Variants in PCNX4 observed in about 807,000 individuals in gnomAD.
The protein encoded by PCNX4 is pecanex-like protein 4.
PCNX4 carries 103 observed loss-of-function variants against 107.2 expected under a neutral mutation model. The ratio of observed to expected loss-of-function variants is 0.96; its 90% CI spans 0.82 to 1.13. The LOEUF is 1.13. Among genes scored for constraint, PCNX4 ranks in the 50% most tolerant of loss-of-function variants. The probability of loss-of-function intolerance (pLI) is 0.00; values close to 1 mark genes in which losing one functional copy is unlikely to be tolerated. For synonymous variants in PCNX4, 541 were observed against 481.7 expected (o/e 1.12, Z -1.61); for missense variants, 1,528 against 1,379.4 (o/e 1.11, Z -1.71).
intron 9 of PCNX4, 47 bp downstream of exon 9, chr14:60,125,298 A>T: frequency 7.0e-7 from 1 of 1,422,808 alleles, no homozygotes; most frequent in Non-Finnish European, 9.3e-7. Context: ...TTGGAAAAAT[A>T]CTGATTTTTC....
At chr14:60,132,541 A>C (rs1896173367) in intron 10 of PCNX4, among the ~76,000 whole-genome samples, 1 of 152,212 alleles carries the variant, frequency 6.6e-6, no homozygotes, top group African/African-American at 2.4e-5. Context: ...TCATGACCTT[A>C]AACTTGGCAA....
intron 6 of PCNX4, among the ~76,000 whole-genome samples, chr14:60,116,553 G>T (rs1438130043): frequency 5.9e-5 from 9 of 152,172 alleles, no homozygotes; most frequent in African/African-American, 2.2e-4. Flanking sequence ...TTGTGGTGAT[G>T]TTGGTGTAAA....
In PCNX4 at chr14:60,124,863, C is replaced by T. The variant is rs1312769135; in HGVS notation, c.2692C>T (p.Pro898Ser). Reference protein sequence around the residue: ...KGKQEDMPYIPLMEFSCSHSH... With the variant: ...KGKQEDMPYISLMEFSCSHSH... ...AAAACAAGAGGACATGCCATATATTCCTCTCATGGAGTTCAGTTGTTCACA... is the reference window on the plus strand; with the variant it reads ...AAAACAAGAGGACATGCCATATATTTCTCTCATGGAGTTCAGTTGTTCACA... The change falls in exon 9 of 11, where the codon CCT becomes TCT. Residue 898 changes from proline (P) to serine (S), a missense_variant. By Grantham distance (74) the Pro-to-Ser change is moderately conservative. Coordinates refer to ENST00000406854, the MANE Select transcript of PCNX4 (RefSeq NM_001330177.2). The T allele has an allele frequency of 6.2e-7, 1 of 1,613,798 alleles. No individual in the cohort carries two copies.
chr14:60,096,881 G>A (rs1164551728), intron 1 of PCNX4, among the ~76,000 whole-genome samples: 3 of 152,156 alleles, frequency 2.0e-5, no homozygotes, highest in South Asian at 2.1e-4. Flanking sequence ...TTGCTGTACT[G>A]TATCCAAATA....
rs751944305 is a variant in PCNX4, at chr14:60,125,262, T to C, written c.3080+11T>C. The C allele has an allele frequency of 1.3e-6, 2 of 1,528,076 alleles. No individual in the cohort carries two copies. The highest frequency in any genetic ancestry group is 1.8e-6 in the Non-Finnish European group (2 of 1,140,966). 94.7% of individuals were successfully genotyped at this position (1,528,076 alleles called of 1,614,324 possible). On this transcript the variant is annotated intron_variant, in intron 9 of 10. Coordinates refer to ENST00000406854, the MANE Select transcript of PCNX4 (RefSeq NM_001330177.2). ...ACTGAAAGCATTCAGGTAATCCATTTTGATCATATGTAAGTTATAACATTG... is the reference window on the plus strand; with the variant it reads ...ACTGAAAGCATTCAGGTAATCCATTCTGATCATATGTAAGTTATAACATTG...
At chr14:60,101,696 A>AC (rs1895535233) in intron 1 of PCNX4, among the ~76,000 whole-genome samples, 1 of 61,868 alleles carries the variant, frequency 1.6e-5, no homozygotes, top group East Asian at 3.7e-4. Flanking sequence ...TTCTCAAAAT[A>AC]TAAAAAAAAT....
Position 60,125,186 on chromosome 14 carries a change from G to A in PCNX4, c.3015G>A (p.Trp1005Ter), listed in dbSNP as rs763060914. 9.3e-6 allele frequency: 15 copies of A among 1,610,828 alleles called. No homozygotes were observed. In the Admixed American group the frequency reaches 2.4e-4, roughly 25 times the overall value. ...ILRVYGGVLP[W>*]SVALDWLTEK... is the part of the protein sequence containing the mutation. ...GAGTTTACGGTGGTGTTTTGCCTTG[G>A]TCTGTTGCTTTGGACTGGCTCACAG... The change falls in exon 9 of 11, where the codon TGG becomes TGA. Residue 1005 changes from tryptophan (W) to a stop codon, truncating the protein, a stop_gained. Transcript: ENST00000406854. LOFTEE classifies it high-confidence loss of function.
At position 60,142,990 on chromosome 14, in the gene PCNX4, A is replaced by T. The variant is rs954222288; in HGVS notation, c.*8769A>T. On this transcript the variant is annotated 3_prime_UTR_variant, in exon 11 of 11. Coordinates refer to ENST00000406854, the MANE Select transcript of PCNX4 (RefSeq NM_001330177.2). The surrounding 1 kb of genome is among the most constrained non-coding windows in gnomAD (Gnocchi z 4.7). ...AAAAGAAAGAAAGAAAGAAAGAAAA[A>T]AATGCCATACAGATGAATCTTTAAA... 1.3e-5 allele frequency: 2 copies of T among 152,190 alleles called. No individual in the cohort carries two copies. Among genetic ancestry groups the T allele is most frequent in the African/African-American group, 4.8e-5 (2 of 41,408 alleles). 9.4% of individuals were successfully genotyped at this position (152,190 alleles called of 1,614,324 possible). A position where few individuals can be genotyped will look rare whatever the true frequency, so the allele number is the denominator to read the frequency against.
intron 6 of PCNX4, among the ~76,000 whole-genome samples, chr14:60,116,432 G>A (rs1174373809): frequency 6.6e-6 from 1 of 152,206 alleles, no homozygotes; most frequent in Non-Finnish European, 1.5e-5. Flanking sequence ...GGACGTTTCA[G>A]TCAATGACAG....
rs1323087967 is a variant in PCNX4 at position 60,142,328 on chromosome 14, G to A, written c.*8107G>A. ...CTTTGAATTACCGATTGTGACTGAG[G>A]TCTCATGTGGCTTACTGGTGAATCC... is the stretch of plus-strand genomic sequence containing the variant. On this transcript the variant is annotated 3_prime_UTR_variant, in exon 11 of 11. Transcript: ENST00000406854. The surrounding 1 kb of genome is among the most constrained non-coding windows in gnomAD (Gnocchi z 4.7). The A allele has an allele frequency of 6.6e-6, 1 of 152,118 alleles. No homozygotes were observed. Among genetic ancestry groups the A allele is most frequent in the Non-Finnish European group, 1.5e-5 (1 of 68,026 alleles). The allele number at this position is 152,118 out of a possible 1,614,324, so 9.4% of individuals were successfully genotyped here.
chr14:60,098,450 T>G lies in PCNX4; in HGVS notation c.-54+6031T>G, dbSNP rs536027698. 7.2e-5 allele frequency among the ~76,000 whole-genome samples: 11 copies of G among 152,302 alleles called. No homozygotes were observed. The South Asian group carries it at 2.3e-3, about 32-fold the overall frequency. On this transcript the variant is annotated intron_variant, in intron 1 of 10. Transcript: ENST00000406854. ...CTTACACTGTGACCTTACAAAACAC[T>G]CTTATTCAAAAACCCTCCAAAAGTC...
At chr14:60,099,032 G>A (rs974770658) in intron 1 of PCNX4, among the ~76,000 whole-genome samples, 2 of 151,886 alleles carry the variant, frequency 1.3e-5, no homozygotes, top group Non-Finnish European at 2.9e-5. Flanking sequence ...AGTATTTTCC[G>A]GATTATAATG....
At chr14:60,121,380 C>T (rs1895952600) in intron 8 of PCNX4, 81 bp downstream of exon 8, 2 of 1,378,778 alleles carry the variant, frequency 1.5e-6, no homozygotes, top group Non-Finnish European at 9.9e-7. Context: ...ATCAAACACT[C>T]AATTTGAAAG....
Position 60,121,181 on chromosome 14 carries a change from TCTA to T in PCNX4, c.1943-14_1943-12del. On this transcript the variant is annotated splice_polypyrimidine_tract_variant and intron_variant, in intron 7 of 10. Coordinates refer to ENST00000406854, the MANE Select transcript of PCNX4 (RefSeq NM_001330177.2). ...ATTTTCTTTTTTTTTTTTTTTTTTT[TCTA>T]ATTTGTTGTAGGTCTCCTCCTACCT... is the stretch of plus-strand genomic sequence containing the variant. 6.6e-7 allele frequency: 1 copy of T among 1,523,406 alleles called. No homozygotes were observed. Among genetic ancestry groups the T allele is most frequent in the Non-Finnish European group, 8.8e-7 (1 of 1,139,276 alleles). The allele number at this position is 1,523,406 out of a possible 1,614,324, so 94.4% of individuals were successfully genotyped here. A position where few individuals can be genotyped will look rare whatever the true frequency, so the allele number is the denominator to read the frequency against.
At chr14:60,127,542 C>T (rs1385129200) in intron 10 of PCNX4, among the ~76,000 whole-genome samples, 1 of 152,202 alleles carries the variant, frequency 6.6e-6, no homozygotes, top group Admixed American at 6.5e-5. Context: ...AGACTTCAAA[C>T]TGGGCAGGGT....
rs1419801949 is a variant in PCNX4, at chr14:60,145,999, T to C, written c.*11778T>C. 2 of 149,830 alleles carry C rather than the reference T, an allele frequency of 1.3e-5. No individual in the cohort carries two copies. The highest frequency in any genetic ancestry group is 2.4e-5 in the African/African-American group (1 of 41,022). The allele number at this position is 149,830 out of a possible 1,614,324, so 9.3% of individuals were successfully genotyped here. The stretch of plus-strand genomic sequence containing the variant: ...GCTAGCATTTTCTTAACTTAGACGC[T>C]TATCAATAAGAAAATTTATATATAT... On this transcript the variant is annotated 3_prime_UTR_variant, in exon 11 of 11. Coordinates refer to ENST00000406854, the MANE Select transcript of PCNX4 (RefSeq NM_001330177.2). The surrounding 1 kb of genome is among the most constrained non-coding windows in gnomAD (Gnocchi z 4.0).
intron 7 of PCNX4, among the ~76,000 whole-genome samples, chr14:60,119,102 TGAG>T (rs1459674689): frequency 1.3e-5 from 2 of 152,132 alleles, no homozygotes; most frequent in African/African-American, 4.8e-5. Context: ...AATATCAGCT[TGAG>T]GAGCAGATGG....
At chr14:60,118,198 A>G in intron 6 of PCNX4, 131 bp from the exon 7 acceptor site, 2 of 1,287,656 alleles carry the variant, frequency 1.6e-6, no homozygotes, top group South Asian at 4.3e-5. Context: ...AAAAAAATCA[A>G]AGAATAAGAT....
At position 60,134,313 on chromosome 14, in the gene PCNX4, C is replaced by G; in HGVS notation, c.*92C>G. On this transcript the variant is annotated 3_prime_UTR_variant, in exon 11 of 11. Coordinates refer to ENST00000406854, the MANE Select transcript of PCNX4 (RefSeq NM_001330177.2). ...TGATTCTTGTAACTTGAGGACTTCT[C>G]CACACCCCCATTCAGATGCCTGAGA... is the stretch of plus-strand genomic sequence containing the variant. 1.4e-6 allele frequency: 2 copies of G among 1,450,056 alleles called. No individual in the cohort carries two copies. Among genetic ancestry groups the G allele is most frequent in the East Asian group, 2.3e-5 (1 of 44,016 alleles). 89.8% of individuals were successfully genotyped at this position (1,450,056 alleles called of 1,614,324 possible).
Sources: allele counts gnomAD v4.1 joint callset (sites outside exome capture counted in the v4.1 genomes callset), GRCh38; gene constraint gnomAD v4.1.1; non-coding constraint Gnocchi (gnomAD v3.1); transcripts MANE v1.5; gene names NCBI Gene and HGNC (gene_info 2026-07-23, HGNC 2026-07-21).